The following FOXP2 variants were observed in gnomAD, a reference collection of about 807,000 sequenced individuals.
FOXP2 encodes forkhead box P2.
In FOXP2, 12 loss-of-function variants were observed where a neutral mutation model predicts 115.8. The ratio of observed to expected loss-of-function variants is 0.10; its 90% CI spans 0.07 to 0.17. The LOEUF (loss-of-function observed/expected upper bound fraction) is 0.17, where lower values mean the gene tolerates loss of function less well. Among genes scored for constraint, FOXP2 ranks in the 10% least tolerant of loss-of-function variants. The pLI is 1.00. For synonymous variants in FOXP2, 328 were observed against 297.7 expected, an observed-to-expected ratio of 1.10 and a Z score of -1.05; for missense variants, 629 against 843.5, an observed-to-expected ratio of 0.75 and a Z score of 3.15.
intron 3 of FOXP2, among the ~76,000 whole-genome samples, chr7:114,539,482 T>C (rs906572032): frequency 2.0e-5 from 3 of 151,938 alleles, no homozygotes; most frequent in Non-Finnish European, 4.4e-5. Context: ...AATAAGTTTT[T>C]AAAGATATTC....
At chr7:114,239,743 T>G (rs1795104223) in intron 1 of FOXP2, among the ~76,000 whole-genome samples, 2 of 152,152 alleles carry the variant, frequency 1.3e-5, no homozygotes, top group African/African-American at 4.8e-5. Context: ...TTAAAACATT[T>G]AAAAGAAATG....
chr7:114,115,069 G>A (rs578075955), intron 1 of FOXP2, among the ~76,000 whole-genome samples: 4 of 151,918 alleles, frequency 2.6e-5, no homozygotes, highest in African/African-American at 9.7e-5. Flanking sequence ...TATAACTTCA[G>A]TCCGTCTACT....
Position 114,630,000 on chromosome 7 carries a change from A to C in FOXP2, c.592A>C (p.Lys198Gln). ...GCAACAGCATCCTGGAAAGCAAGCG[A>C]AAGAGGTAGGATCCGGTTATCTCAT... ...QQQQHPGKQA[K>Q]EQQQQQQQQQ... is the part of the protein sequence containing the mutation. The change falls in exon 5 of 17, where the codon AAA (lysine) becomes CAA (glutamine). Residue 198 changes from lysine to glutamine, a missense_variant. By Grantham distance (53) the Lys-to-Gln change is moderately conservative. Around this residue, in one of 9 missense-constraint regions of FOXP2, gnomAD observed 138 missense variants for 205.1 expected, o/e 0.67. Coordinates refer to ENST00000350908, the MANE Select transcript of FOXP2 (RefSeq NM_014491.4). The C allele has an allele frequency of 6.9e-6, 11 of 1,594,528 alleles. No individual in the cohort carries two copies. Among genetic ancestry groups the C allele is most frequent in the Non-Finnish European group, 9.4e-6 (11 of 1,174,698 alleles).
At chr7:114,177,701 A>G (rs1028963153) in intron 1 of FOXP2, among the ~76,000 whole-genome samples, 4 of 151,974 alleles carry the variant, frequency 2.6e-5, no homozygotes, top group Non-Finnish European at 5.9e-5. Context: ...CAGATTGTAT[A>G]TATTTATGGT....
chr7:114,166,718 TAAATA>T (rs1441150287), intron 1 of FOXP2, among the ~76,000 whole-genome samples: 1 of 151,610 alleles, frequency 6.6e-6, no homozygotes, highest in African/African-American at 2.4e-5. Context: ...AATAAATAAA[TAAATA>T]AAATAAGAAA....
chr7:114,606,079 A>T (rs564690631), intron 3 of FOXP2, among the ~76,000 whole-genome samples: 1 of 152,304 alleles, frequency 6.6e-6, no homozygotes, highest in African/African-American at 2.4e-5. Flanking sequence ...GGCATTATAG[A>T]AATGATTGGG....
At chr7:114,239,592 G>A (rs927262872) in intron 1 of FOXP2, among the ~76,000 whole-genome samples, 1 of 152,118 alleles carries the variant, frequency 6.6e-6, no homozygotes. Context: ...GCCTTCACCC[G>A]TCAGTCCTAG....
intron 3 of FOXP2, among the ~76,000 whole-genome samples, chr7:114,612,233 G>A (rs1244481405): frequency 6.6e-6 from 1 of 151,868 alleles, no homozygotes; most frequent in East Asian, 1.9e-4. Flanking sequence ...AAGAGATTTG[G>A]GAAGCAGCTC....
chr7:114,162,889 A>G (rs1792879873), upstream of FOXP2: 1 of 151,430 alleles, frequency 6.6e-6, no homozygotes, highest in Non-Finnish European at 1.5e-5. Context: ...TACAGTAAGA[A>G]AAAAAAAACT....
chr7:114,602,460 T>A (rs1036955489), intron 3 of FOXP2, among the ~76,000 whole-genome samples: 11 of 152,252 alleles, frequency 7.2e-5, no homozygotes, highest in African/African-American at 2.6e-4. Flanking sequence ...GTAACATTTT[T>A]ACTCATGACT....
intron 3 of FOXP2, among the ~76,000 whole-genome samples, chr7:114,614,429 T>C (rs2129319789): frequency 6.6e-6 from 1 of 152,364 alleles, no homozygotes; most frequent in South Asian, 2.1e-4. Context: ...AGGGAAATTA[T>C]GAGTTGAAAA....
At chr7:114,558,915 C>G (rs1800606161) in intron 3 of FOXP2, among the ~76,000 whole-genome samples, 1 of 152,138 alleles carries the variant, frequency 6.6e-6, no homozygotes, top group Admixed American at 6.5e-5. Context: ...TAGTGTCCCA[C>G]AGAACTGAGA....
At chr7:114,661,861 G>GA in intron 13 of FOXP2, 1 of 568,372 alleles carries the variant, frequency 1.8e-6, no homozygotes, top group Non-Finnish European at 3.1e-6. Context: ...AGCTTGGAAG[G>GA]TTCTCTTATC....
intron 2 of FOXP2, among the ~76,000 whole-genome samples, chr7:114,527,523 C>G (rs190644074): frequency 6.6e-6 from 1 of 152,220 alleles, no homozygotes; most frequent in Non-Finnish European, 1.5e-5. Context: ...ATCTAATAAA[C>G]TCCCTTTGCC....
chr7:114,263,985 C>G (rs75748593), intron 1 of FOXP2, among the ~76,000 whole-genome samples: 2 of 151,970 alleles, frequency 1.3e-5, no homozygotes, highest in Admixed American at 6.6e-5. Flanking sequence ...TTCAGGAACA[C>G]TGGATGTATT....
chr7:114,475,294 A>G (rs1796209311), intron 2 of FOXP2, among the ~76,000 whole-genome samples: 1 of 152,098 alleles, frequency 6.6e-6, no homozygotes, highest in Non-Finnish European at 1.5e-5. Context: ...CTTGCAGTTC[A>G]GAGGTTACAA....
intron 3 of FOXP2, among the ~76,000 whole-genome samples, chr7:114,552,533 T>G (rs1170027065): frequency 6.6e-6 from 1 of 152,224 alleles, no homozygotes; most frequent in Non-Finnish European, 1.5e-5. Flanking sequence ...TTAACTTTGA[T>G]AATGAGTTAG....
chr7:114,532,752 A>G (rs2129276330), intron 2 of FOXP2, among the ~76,000 whole-genome samples: 1 of 151,928 alleles, frequency 6.6e-6, no homozygotes, highest in African/African-American at 2.4e-5. Flanking sequence ...AAATAAACTC[A>G]TCAACTCGAA....
At chr7:114,122,098 A>G (rs1791582333) in intron 1 of FOXP2, among the ~76,000 whole-genome samples, 2 of 152,100 alleles carry the variant, frequency 1.3e-5, no homozygotes, top group Admixed American at 6.6e-5. Flanking sequence ...TAGTAGGTGT[A>G]TTTTGAGATT....
Sources: gnomAD v4.1 joint callset for allele counts (sites outside exome capture counted in the v4.1 genomes callset) on GRCh38, gnomAD v4.1.1 for gene constraint, gnomAD v4.1.1 regional missense constraint, MANE v1.5 for transcripts, NCBI Gene and HGNC (gene_info 2026-07-23, HGNC 2026-07-21) for gene names.